The following MYCT1 variants were observed in gnomAD, a reference collection of about 807,000 sequenced individuals.
The protein encoded by MYCT1 is myc target protein 1.
A neutral mutation model predicts 15.0 loss-of-function variants in MYCT1; 12 were observed. The observed-to-expected ratio is 0.80, with a 90% CI of 0.51 to 1.29. The LOEUF is 1.29. Among genes scored for constraint, MYCT1 ranks in the 50% most tolerant of loss-of-function variants. MYCT1 has a pLI of 0.00. For missense variants in MYCT1, 287 were observed against 279.1 expected (o/e 1.03, Z -0.20); for synonymous variants, 104 against 102.7 (o/e 1.01, Z -0.07).
intron 1 of MYCT1, among the ~76,000 whole-genome samples, chr6:152,700,696 C>T (rs1224332739): frequency 6.6e-6 from 1 of 152,092 alleles, no homozygotes; most frequent in Admixed American, 6.6e-5. Flanking sequence ...AAACATGGCC[C>T]GTGAAAATTT....
intron 1 of MYCT1, among the ~76,000 whole-genome samples, chr6:152,714,002 T>C (rs938673110): frequency 1.3e-5 from 2 of 152,122 alleles, no homozygotes; most frequent in Admixed American, 6.6e-5. Context: ...GGTAGAATTT[T>C]TTTTTATATT....
Position 152,698,000 on chromosome 6 carries a change from T to C in MYCT1, c.98T>C (p.Val33Ala). Reference sequence around the variant, plus strand: ...AAACTGCTTTTTTTCGACATACTGGTTTTTCTTTCTGTTTTTCTTCTCTTT... The same window carrying C: ...AAACTGCTTTTTTTCGACATACTGGCTTTTCTTTCTGTTTTTCTTCTCTTT... ...RIKLLFFDILVFLSVFLLFLL... is the reference protein window; with the variant it reads ...RIKLLFFDILAFLSVFLLFLL... The change falls in exon 1 of 2, where the codon GTT becomes GCT. Residue 33 changes from valine (V) to alanine (A), a missense_variant. Physicochemically the swap from Val to Ala is moderately conservative, Grantham distance 64. Transcript: ENST00000367245. 1 of 1,609,708 alleles carries C rather than the reference T, an allele frequency of 6.2e-7. No individual in the cohort carries two copies. The highest frequency in any genetic ancestry group is 8.5e-7 in the Non-Finnish European group (1 of 1,178,038).
In MYCT1 at chr6:152,697,929, G is replaced by C; in HGVS notation, c.27G>C (p.Leu9Phe). Residue 9 changes from leucine (L) to phenylalanine (F), a missense_variant, in exon 1 of 2, where the codon TTG becomes TTC. Coordinates refer to ENST00000367245, the MANE Select transcript of MYCT1 (RefSeq NM_025107.3). Reference sequence around the variant, plus strand: ...TGCGAACACAAGTATATGAGGGGTTGTGTAAAAATTATTTTTCTCTTGCTG... The same window carrying C: ...TGCGAACACAAGTATATGAGGGGTTCTGTAAAAATTATTTTTCTCTTGCTG... MRTQVYEGLCKNYFSLAVL... is the reference protein window; with the variant it reads MRTQVYEGFCKNYFSLAVL... 2 of 1,598,766 alleles carry C rather than the reference G, an allele frequency of 1.3e-6. No homozygotes were observed. Among genetic ancestry groups the C allele is most frequent in the Non-Finnish European group, 1.7e-6 (2 of 1,174,572 alleles).
At chr6:152,706,265 CCAT>C (rs2099722228) in intron 1 of MYCT1, 2 of 657,226 alleles carry the variant, frequency 3.0e-6, no homozygotes, top group African/African-American at 1.8e-5. Context: ...ATCACTGTAA[CCAT>C]CAGTTACTGG....
At chr6:152,714,604 C>T (rs1473990273) in intron 1 of MYCT1, among the ~76,000 whole-genome samples, 1 of 151,248 alleles carries the variant, frequency 6.6e-6, no homozygotes, top group Non-Finnish European at 1.5e-5. Context: ...TATAGATCCT[C>T]AATCTCTGCT....
At chr6:152,724,768 G>T (rs2099725333), downstream of MYCT1, among the ~76,000 whole-genome samples, 1 of 151,914 alleles carries the variant, frequency 6.6e-6, no homozygotes, top group Admixed American at 6.6e-5. Flanking sequence ...TAGACTATTT[G>T]TAAATGAATA....
chr6:152,705,210 T>C (rs2099722052), intron 1 of MYCT1, among the ~76,000 whole-genome samples: 1 of 152,226 alleles, frequency 6.6e-6, no homozygotes, highest in South Asian at 2.1e-4. Context: ...TAGCTTAGCA[T>C]AGCCTAACTT....
the MYCT1 span, among the ~76,000 whole-genome samples, chr6:152,740,485 T>C: frequency 6.6e-6 from 1 of 152,158 alleles, no homozygotes; most frequent in Non-Finnish European, 1.5e-5. Flanking sequence ...AAAAGAGCCT[T>C]AAATAACCAA....
chr6:152,737,392 A>C, the MYCT1 span, among the ~76,000 whole-genome samples: 1 of 151,926 alleles, frequency 6.6e-6, no homozygotes, highest in Non-Finnish European at 1.5e-5. Context: ...ATTAAGAAAA[A>C]TATTGGAGAT....
the MYCT1 span, among the ~76,000 whole-genome samples, chr6:152,735,863 G>C: frequency 6.6e-6 from 1 of 152,080 alleles, no homozygotes; most frequent in Non-Finnish European, 1.5e-5. Flanking sequence ...GAATGAAATT[G>C]AATGTAAAGG....
chr6:152,730,131 A>C, the MYCT1 span, among the ~76,000 whole-genome samples: 1 of 152,212 alleles, frequency 6.6e-6, no homozygotes, highest in African/African-American at 2.4e-5. Context: ...CCTTGCAGCA[A>C]ACTGCAGAAG....
At chr6:152,737,562 G>C in the MYCT1 span, among the ~76,000 whole-genome samples, 1 of 152,042 alleles carries the variant, frequency 6.6e-6, no homozygotes, top group African/African-American at 2.4e-5. Context: ...ACAATAATAT[G>C]ATCATACTAT....
downstream of MYCT1, among the ~76,000 whole-genome samples, chr6:152,726,352 G>A (rs2099725646): frequency 2.0e-5 from 3 of 150,300 alleles, no homozygotes; most frequent in South Asian, 4.2e-4. Context: ...AGCCGAGATT[G>A]TGCAATTGAA....
chr6:152,719,934 T>C (rs1389342362), intron 1 of MYCT1, among the ~76,000 whole-genome samples: 2 of 152,158 alleles, frequency 1.3e-5, no homozygotes. Flanking sequence ...TGGAACCCTT[T>C]ATCAGAGAGC....
intron 1 of MYCT1, among the ~76,000 whole-genome samples, chr6:152,718,821 A>G (rs1208770181): frequency 2.0e-5 from 3 of 151,938 alleles, no homozygotes; most frequent in Non-Finnish European, 2.9e-5. Context: ...TCAAGGAAAC[A>G]TCTCTTTTTA....
intron 1 of MYCT1, among the ~76,000 whole-genome samples, chr6:152,708,088 T>A (rs557171530): frequency 6.0e-4 from 91 of 151,998 alleles, no homozygotes; most frequent in Non-Finnish European, 9.4e-4. Context: ...GCAGTTGGCA[T>A]CTTAATAATA....
chr6:152,729,179 A>AT (rs2099726151), downstream of MYCT1, among the ~76,000 whole-genome samples: 1 of 152,222 alleles, frequency 6.6e-6, no homozygotes, highest in African/African-American at 2.4e-5. Context: ...GAAAACCGCT[A>AT]TAAAAATTCT....
intron 1 of MYCT1, chr6:152,706,266 C>G: frequency 1.5e-6 from 1 of 657,262 alleles, no homozygotes; most frequent in Non-Finnish European, 2.8e-6. Context: ...TCACTGTAAC[C>G]ATCAGTTACT....
intron 1 of MYCT1, among the ~76,000 whole-genome samples, chr6:152,713,404 T>C (rs1047117078): frequency 3.3e-5 from 5 of 152,156 alleles, no homozygotes; most frequent in Non-Finnish European, 5.9e-5. Context: ...TTGTTGACTG[T>C]CTTTTCTCTT....
Sources: allele counts gnomAD v4.1 joint callset (sites outside exome capture counted in the v4.1 genomes callset), GRCh38; gene constraint gnomAD v4.1.1; transcripts MANE v1.5; gene names NCBI Gene and HGNC (gene_info 2026-07-23, HGNC 2026-07-21).